CHD8: variants seen among roughly 807,000 people sequenced by gnomAD.
CHD8 encodes ATP-dependent chromatin remodeler CHD8.
In CHD8, 31 loss-of-function variants were observed where a neutral mutation model predicts 279.2. The observed-to-expected ratio is 0.11, with a 90% CI of 0.08 to 0.15. The LOEUF (loss-of-function observed/expected upper bound fraction) is 0.15, where lower values mean the gene tolerates loss of function less well. Among genes scored for constraint, CHD8 ranks in the 10% least tolerant of loss-of-function variants. The pLI is 1.00. For missense variants in CHD8, 2,146 were observed against 3,230.5 expected (o/e 0.66, Z 8.14); for synonymous variants, 1,081 against 1,139.6 (o/e 0.95, Z 1.04).
At chr14:21,455,430 C>A (rs568442113) in intron 1 of CHD8, among the ~76,000 whole-genome samples, 57 of 152,232 alleles carry the variant, frequency 3.7e-4, no homozygotes, top group Admixed American at 3.7e-3. Flanking sequence ...GCTCTGCAGA[C>A]CTGTCAAGGA....
At chr14:21,424,520 G>C (rs1030549908) in intron 5 of CHD8, among the ~76,000 whole-genome samples, 8 of 151,972 alleles carry the variant, frequency 5.3e-5, no homozygotes, top group African/African-American at 1.7e-4. Context: ...ACCCAGGCTG[G>C]AGTGCAGTGG....
At chr14:21,428,351 T>A in intron 3 of CHD8, 97 bp from the exon 4 acceptor site, 1 of 1,073,808 alleles carries the variant, frequency 9.3e-7, no homozygotes, top group Non-Finnish European at 1.3e-6. Flanking sequence ...ACTAGTTCTT[T>A]AATCCCTCAA....
chr14:21,406,907 T>A lies in CHD8; in HGVS notation c.2856A>T (p.Arg952=). 6.2e-7 allele frequency: 1 copy of A among 1,613,676 alleles called. No individual in the cohort carries two copies. The highest frequency in any genetic ancestry group is 8.5e-7 in the Non-Finnish European group (1 of 1,179,766). ...GCAGCTTGCAATTACGGTTTTTCAGTCGATGGGCTTCATCAATGATAACAC... is the reference window on the plus strand; with the variant it reads ...GCAGCTTGCAATTACGGTTTTTCAGACGATGGGCTTCATCAATGATAACAC... ...WRCVIIDEAH[R]LKNRNCKLLD... Residue 952 remains arginine (R), a synonymous_variant, in exon 14 of 38, where the codon CGA becomes CGT. Coordinates refer to ENST00000646647, the MANE Select transcript of CHD8 (RefSeq NM_001170629.2).
At chr14:21,398,963 C>T in intron 26 of CHD8, 1 of 426,320 alleles carries the variant, frequency 2.3e-6, no homozygotes, top group Non-Finnish European at 4.7e-6. Flanking sequence ...GCAAAACCAT[C>T]ACCCTTGAGG....
At position 21,444,704 on chromosome 14, in the gene CHD8, TA is replaced by T. The variant is rs896165443; in HGVS notation, c.-216+11327del. Among the ~76,000 whole-genome samples the T allele has an allele frequency of 3.4e-3, 511 of 150,452 alleles. 3 individuals are homozygous for T. Among genetic ancestry groups the T allele is most frequent in the African/African-American group, 0.012 (474 of 41,138 alleles). On this transcript the variant is annotated intron_variant, in intron 1 of 37. Coordinates refer to ENST00000646647, the MANE Select transcript of CHD8 (RefSeq NM_001170629.2). ...CCTTCAATCTATTTAACCACTTTTT[TA>T]AAAAAAAAAATTTATTTGCTACTTT... is the stretch of plus-strand genomic sequence containing the variant.
At chr14:21,443,495 G>A (rs1174192848) in intron 1 of CHD8, among the ~76,000 whole-genome samples, 1 of 152,164 alleles carries the variant, frequency 6.6e-6, no homozygotes, top group African/African-American at 2.4e-5. Flanking sequence ...CACAGAGGCA[G>A]AGAATAGAGA....
In CHD8 at chr14:21,393,913, C is replaced by T. The variant is rs1338591756; in HGVS notation, c.5882G>A (p.Arg1961His). Residue 1961 changes from arginine to histidine, a missense_variant, in exon 32 of 38, where the codon CGT (arginine) becomes CAT (histidine). Coordinates refer to ENST00000646647, the MANE Select transcript of CHD8 (RefSeq NM_001170629.2). ...QDPDFSFLAA[R>H]MNYMQNHQAG... is the part of the protein sequence containing the mutation. ...TTGATGGTTCTGCATATAATTCATA[C>T]GGGCAGCCAGAAAAGAGAAGTCTGG... 3.1e-6 allele frequency: 5 copies of T among 1,613,806 alleles called. No individual in the cohort carries two copies. The highest frequency in any genetic ancestry group is 2.2e-5 in the East Asian group (1 of 44,892).
intron 27 of CHD8, 63 bp from the exon 28 acceptor site, chr14:21,395,955 A>G (rs1887763790): frequency 9.7e-7 from 1 of 1,032,440 alleles, no homozygotes; most frequent in Non-Finnish European, 1.5e-6. Context: ...AAGGGAACCT[A>G]GGATGAAGAC....
intron 29 of CHD8, 43 bp downstream of exon 29, chr14:21,395,255 C>A: frequency 6.5e-7 from 1 of 1,548,402 alleles, no homozygotes; most frequent in Non-Finnish European, 8.9e-7. Flanking sequence ...TTCCCCAACC[C>A]ACCACCCCAC....
At chr14:21,446,611 C>T (rs1272848016) in intron 1 of CHD8, among the ~76,000 whole-genome samples, 1 of 152,156 alleles carries the variant, frequency 6.6e-6, no homozygotes, top group African/African-American at 2.4e-5. Flanking sequence ...CAGCTCCTGG[C>T]TTCTTATTTA....
chr14:21,447,467 G>C (rs760894279), intron 1 of CHD8, among the ~76,000 whole-genome samples: 1 of 151,584 alleles, frequency 6.6e-6, no homozygotes. Flanking sequence ...CTCCTCCAGA[G>C]TTCAAGTTAT....
chr14:21,415,811 T>C lies in CHD8; in HGVS notation c.1813A>G (p.Thr605Ala). ...DDEEEEEVDVTGPIKPEPILP... is the reference protein window; with the variant it reads ...DDEEEEEVDVAGPIKPEPILP... ...ATAGGCTCAGGTTTTATTGGACCAGTTACATCCACCTCTTCTTCTTCTTCA... is the reference window on the plus strand; with the variant it reads ...ATAGGCTCAGGTTTTATTGGACCAGCTACATCCACCTCTTCTTCTTCTTCA... Residue 605 changes from threonine (T) to alanine (A), a missense_variant, in exon 6 of 38, where the codon ACT becomes GCT. By Grantham distance (58) the Thr-to-Ala change is moderately conservative. Coordinates refer to ENST00000646647, the MANE Select transcript of CHD8 (RefSeq NM_001170629.2). 1 of 1,613,992 alleles carries C rather than the reference T, an allele frequency of 6.2e-7. No individual in the cohort carries two copies. The highest frequency in any genetic ancestry group is 8.5e-7 in the Non-Finnish European group (1 of 1,179,862).
chr14:21,454,925 A>G (rs1480858132), intron 1 of CHD8: 1 of 152,180 alleles, frequency 6.6e-6, no homozygotes, highest in East Asian at 1.9e-4. Flanking sequence ...CTAACACAGG[A>G]CACGATTCAA....
At chr14:21,426,404 A>G (rs1428752487) in intron 4 of CHD8, 162 bp from the exon 5 acceptor site, 1 of 584,036 alleles carries the variant, frequency 1.7e-6, no homozygotes, top group South Asian at 2.2e-5. Flanking sequence ...TTTGAAAAAA[A>G]GAAGATATTA....
At chr14:21,452,744 G>T (rs1890287255) in intron 1 of CHD8, among the ~76,000 whole-genome samples, 1 of 151,976 alleles carries the variant, frequency 6.6e-6, no homozygotes, top group Non-Finnish European at 1.5e-5. Context: ...CCAGCGATTT[G>T]GGTGGCCGAG....
chr14:21,417,080 A>AATACAAAT (rs1440121535), intron 5 of CHD8, among the ~76,000 whole-genome samples: 2 of 152,232 alleles, frequency 1.3e-5, no homozygotes, highest in African/African-American at 2.4e-5. Context: ...ATTTTATACC[A>AATACAAAT]ATACAAATAT....
intron 1 of CHD8, among the ~76,000 whole-genome samples, chr14:21,450,863 A>G (rs1890240453): frequency 6.6e-6 from 1 of 150,876 alleles, no homozygotes; most frequent in African/African-American, 2.5e-5. Flanking sequence ...ATATTGAGAC[A>G]CTACCCAAAG....
rs7160887 is a variant in CHD8, at chr14:21,389,097, C to T, written c.7182+1850G>A. ...CGGGTGGATCACAAGGTCAGTAGTT[C>T]GAGACCAGCCTGACCAACATGGTGA... On this transcript the variant is annotated intron_variant, in intron 37 of 37. Transcript: ENST00000646647. 3.1e-3 allele frequency among the ~76,000 whole-genome samples: 465 copies of T among 151,532 alleles called. 5 individuals are homozygous for T. The highest frequency in any genetic ancestry group is 0.01 in the African/African-American group (431 of 41,292).
chr14:21,430,611 A>T, intron 2 of CHD8, 190 bp downstream of exon 2: 1 of 570,792 alleles, frequency 1.8e-6, no homozygotes, highest in Non-Finnish European at 3.1e-6. Context: ...TAAGAGCTCA[A>T]AAAATATGTT....
Sources: allele counts gnomAD v4.1 joint callset (sites outside exome capture counted in the v4.1 genomes callset), GRCh38; gene constraint gnomAD v4.1.1; transcripts MANE v1.5; gene names NCBI Gene and HGNC (gene_info 2026-07-23, HGNC 2026-07-21).